The following DLG2 variants were observed in gnomAD, a reference collection of about 807,000 sequenced individuals.
The protein encoded by DLG2 is discs large MAGUK scaffold protein 2.
Under a neutral mutation model 132.5 loss-of-function variants are expected in DLG2, and 45 were observed. The ratio of observed to expected loss-of-function variants is 0.34; its 90% CI spans 0.27 to 0.44. The LOEUF is 0.44. Among genes scored for constraint, DLG2 ranks in the 20% least tolerant of loss-of-function variants. DLG2 has a pLI of 1.00. For synonymous variants in DLG2, 424 were observed against 419.6 expected (o/e 1.01, Z -0.13); for missense variants, 1,045 against 1,196.9 (o/e 0.87, Z 1.87).
intron 7 of DLG2, among the ~76,000 whole-genome samples, chr11:84,357,893 A>G (rs2098626886): frequency 1.3e-5 from 2 of 152,092 alleles, no homozygotes; most frequent in African/African-American, 4.8e-5. Flanking sequence ...AATGTACAGG[A>G]GGGTTATTGT....
intron 6 of DLG2, among the ~76,000 whole-genome samples, chr11:84,550,496 A>C (rs1228900593): frequency 6.6e-6 from 1 of 152,190 alleles, no homozygotes; most frequent in Non-Finnish European, 1.5e-5. Flanking sequence ...TGCTCATTCA[A>C]GCTACTCTTC....
intron 10 of DLG2, among the ~76,000 whole-genome samples, chr11:84,068,649 G>T (rs2096713635): frequency 6.6e-6 from 1 of 152,036 alleles, no homozygotes; most frequent in Non-Finnish European, 1.5e-5. Context: ...ATGTTCCATT[G>T]AAATTAAAAT....
chr11:85,580,873 G>C (rs2078468400), intron 3 of DLG2, among the ~76,000 whole-genome samples: 1 of 152,176 alleles, frequency 6.6e-6, no homozygotes, highest in Non-Finnish European at 1.5e-5. Flanking sequence ...GGAGAAGTCA[G>C]GACATAACCT....
At chr11:84,704,709 T>C (rs2059597293) in intron 6 of DLG2, among the ~76,000 whole-genome samples, 1 of 151,422 alleles carries the variant, frequency 6.6e-6, no homozygotes, top group Non-Finnish European at 1.5e-5. Context: ...TTAACCATTA[T>C]TGACCAGAGC....
At chr11:84,479,373 C>T (rs949120948) in intron 7 of DLG2, among the ~76,000 whole-genome samples, 1 of 152,044 alleles carries the variant, frequency 6.6e-6, no homozygotes, top group Non-Finnish European at 1.5e-5. Flanking sequence ...TATACCTTTT[C>T]TGAGTTGGAT....
chr11:85,149,614 A>C (rs951733551), intron 5 of DLG2, among the ~76,000 whole-genome samples: 2 of 152,174 alleles, frequency 1.3e-5, no homozygotes, highest in African/African-American at 4.8e-5. Flanking sequence ...AATATACTTC[A>C]TTGTTTTCAA....
chr11:84,712,303 C>G (rs1196018950), intron 6 of DLG2, among the ~76,000 whole-genome samples: 1 of 152,008 alleles, frequency 6.6e-6, no homozygotes, highest in South Asian at 2.1e-4. Context: ...CTCAAATTTT[C>G]TAAAATTAAA....
intron 3 of DLG2, among the ~76,000 whole-genome samples, chr11:85,418,020 T>C (rs2090006840): frequency 6.6e-6 from 1 of 152,206 alleles, no homozygotes; most frequent in African/African-American, 2.4e-5. Context: ...TTTCTTTTAA[T>C]TGAGATGTTA....
At position 85,566,932 on chromosome 11, in the gene DLG2, T is replaced by C. The variant is rs1054150934; in HGVS notation, c.40+31725A>G. On this transcript the variant is annotated intron_variant, in intron 3 of 27. Coordinates refer to ENST00000376104, the MANE Select transcript of DLG2 (RefSeq NM_001142699.3). ...GTAGCATTTGTTGAAAACACTTTTC[T>C]TTCCCCCTTGAATGGGCCTTGGCAT... is the stretch of plus-strand genomic sequence containing the variant. Among the ~76,000 whole-genome samples the C allele has an allele frequency of 2.8e-4, 43 of 152,162 alleles. 2 individuals carry two copies. The highest frequency in any genetic ancestry group is 2.8e-3 in the Admixed American group (42 of 15,266).
chr11:84,641,467 T>C (rs2099664608), intron 6 of DLG2, among the ~76,000 whole-genome samples: 1 of 152,158 alleles, frequency 6.6e-6, no homozygotes, highest in African/African-American at 2.4e-5. Flanking sequence ...TCCCCTTCCT[T>C]CTGAATCCAT....
chr11:84,965,637 G>A (rs967973416), intron 6 of DLG2, among the ~76,000 whole-genome samples: 9 of 152,010 alleles, frequency 5.9e-5, no homozygotes, highest in African/African-American at 2.2e-4. Flanking sequence ...AAAAGGAAAT[G>A]GGCCTACGGA....
chr11:83,808,685 A>T (rs138701002), intron 17 of DLG2, among the ~76,000 whole-genome samples: 4 of 152,260 alleles, frequency 2.6e-5, no homozygotes, highest in Non-Finnish European at 4.4e-5. Context: ...TTTGCATTGC[A>T]TGCAGTTTCC....
chr11:85,132,041 T>G (rs529426108), intron 5 of DLG2, among the ~76,000 whole-genome samples: 1 of 152,198 alleles, frequency 6.6e-6, no homozygotes, highest in African/African-American at 2.4e-5. Flanking sequence ...GATTATAAAA[T>G]TTAAATACAT....
At position 84,439,544 on chromosome 11, in the gene DLG2, C is replaced by T. The variant is rs138654482; in HGVS notation, c.519+95026G>A. The stretch of plus-strand genomic sequence containing the variant: ...CTCCTTTCCTTTAATTTCCTTTTGA[C>T]ACTCTAAGGCAACCCCTGTGCAAAT... On this transcript the variant is annotated intron_variant, in intron 7 of 27. Transcript: ENST00000376104. Among the ~76,000 whole-genome samples, 54 of 152,248 alleles carry T rather than the reference C, an allele frequency of 3.5e-4. No individual in the cohort carries two copies. In the East Asian group the frequency reaches 5.0e-3, roughly 14 times the overall value.
At chr11:83,464,659 AAAAT>A (rs1189120526) in intron 26 of DLG2, among the ~76,000 whole-genome samples, 1 of 152,194 alleles carries the variant, frequency 6.6e-6, no homozygotes, top group Non-Finnish European at 1.5e-5. Context: ...AGGCATAACT[AAAAT>A]AAGTCATCTC....
At chr11:85,048,060 A>C (rs1485106723) in intron 6 of DLG2, among the ~76,000 whole-genome samples, 1 of 151,916 alleles carries the variant, frequency 6.6e-6, no homozygotes, top group Non-Finnish European at 1.5e-5. Flanking sequence ...TACTAAAGAT[A>C]ATTTTCTCAG....
intron 6 of DLG2, among the ~76,000 whole-genome samples, chr11:84,606,877 C>T (rs1049535375): frequency 1.3e-5 from 2 of 152,094 alleles, no homozygotes; most frequent in African/African-American, 2.4e-5. Context: ...AATCCCTTCC[C>T]CCCTGGAAAA....
chr11:84,672,198 A>C (rs78922161), intron 6 of DLG2, among the ~76,000 whole-genome samples: 2 of 152,132 alleles, frequency 1.3e-5, no homozygotes, highest in South Asian at 2.1e-4. Context: ...GGAGGATGCT[A>C]GTCACCCAAA....
At chr11:85,410,286 G>C (rs767609818) in intron 3 of DLG2, among the ~76,000 whole-genome samples, 1 of 151,606 alleles carries the variant, frequency 6.6e-6, no homozygotes, top group Non-Finnish European at 1.5e-5. Flanking sequence ...GAGCTGTCTT[G>C]AGCAAGATAA....
Sources: allele counts gnomAD v4.1 joint callset (sites outside exome capture counted in the v4.1 genomes callset), GRCh38; gene constraint gnomAD v4.1.1; transcripts MANE v1.5; gene names NCBI Gene and HGNC (gene_info 2026-07-23, HGNC 2026-07-21).